The following VPS13B variants were observed in gnomAD, a reference collection of about 807,000 sequenced individuals.
The protein encoded by VPS13B is vacuolar protein sorting 13 homolog B.
A neutral mutation model predicts 426.4 loss-of-function variants in VPS13B; 285 were observed. The observed-to-expected ratio is 0.67, with a 90% confidence interval of 0.61 to 0.74. VPS13B has a LOEUF of 0.74. Among genes scored for constraint, VPS13B ranks in the 30% least tolerant of loss-of-function variants. The pLI is 0.00. For synonymous variants in VPS13B, 1,676 were observed against 1,676.4 expected (o/e 1.00, Z 0.01); for missense variants, 4,537 against 4,782.6 (o/e 0.95, Z 1.51).
intron 33 of VPS13B, among the ~76,000 whole-genome samples, chr8:99,593,756 A>G (rs966766307): frequency 6.6e-6 from 1 of 152,150 alleles, no homozygotes; most frequent in African/African-American, 2.4e-5. Flanking sequence ...TGTACTGTGC[A>G]GGGACATGGA....
At chr8:99,381,419 C>T (rs1156346150) in intron 19 of VPS13B, among the ~76,000 whole-genome samples, 1 of 152,068 alleles carries the variant, frequency 6.6e-6, no homozygotes, top group Non-Finnish European at 1.5e-5. Flanking sequence ...GGGTATATAC[C>T]TTGTAATGGG....
chr8:99,698,022 G>T, intron 35 of VPS13B: 1 of 371,044 alleles, frequency 2.7e-6, no homozygotes. Flanking sequence ...AGCTAGAGCT[G>T]CTGGCCTAGC....
intron 22 of VPS13B, among the ~76,000 whole-genome samples, chr8:99,438,414 GCTAATTATAAAAGT>G (rs1305266527): frequency 6.6e-6 from 1 of 152,128 alleles, no homozygotes; most frequent in African/African-American, 2.4e-5. Flanking sequence ...TATCAATCAT[GCTAATTATAAAAGT>G]AAGATTTTAT....
At chr8:99,526,212 GT>G (rs1822636712) in intron 30 of VPS13B, among the ~76,000 whole-genome samples, 1 of 152,072 alleles carries the variant, frequency 6.6e-6, no homozygotes, top group South Asian at 2.1e-4. Context: ...AAATGGAAGT[GT>G]GACATTCAAC....
chr8:99,158,094 G>A (rs963210094), intron 15 of VPS13B, among the ~76,000 whole-genome samples: 1 of 152,204 alleles, frequency 6.6e-6, no homozygotes, highest in African/African-American at 2.4e-5. Flanking sequence ...AGAAACTAGA[G>A]CAGGTTATCC....
At chr8:99,640,538 G>A (rs962828438) in intron 33 of VPS13B, among the ~76,000 whole-genome samples, 53 of 152,186 alleles carry the variant, frequency 3.5e-4, no homozygotes, top group African/African-American at 1.2e-3. Flanking sequence ...AAAGTGCTGG[G>A]ATTACCAGTG....
chr8:99,082,498 T>A (rs1297269342), intron 3 of VPS13B, among the ~76,000 whole-genome samples: 2 of 152,354 alleles, frequency 1.3e-5, no homozygotes, highest in East Asian at 1.9e-4. Context: ...TGGCTTTTGT[T>A]GCCATTGCTT....
chr8:99,511,722 A>G (rs969075724), intron 29 of VPS13B, among the ~76,000 whole-genome samples: 1 of 152,244 alleles, frequency 6.6e-6, no homozygotes, highest in African/African-American at 2.4e-5. Context: ...CGTTAGTAGG[A>G]TAAGAAATTG....
At chr8:99,400,819 C>T (rs950780073) in intron 21 of VPS13B, among the ~76,000 whole-genome samples, 1 of 152,060 alleles carries the variant, frequency 6.6e-6, no homozygotes, top group African/African-American at 2.4e-5. Context: ...TACAGGTGCC[C>T]ACCACCACAC....
intron 41 of VPS13B, 61 bp from the exon 42 acceptor site, chr8:99,778,619 CTT>C: frequency 6.9e-7 from 1 of 1,452,774 alleles, no homozygotes; most frequent in East Asian, 2.3e-5. Context: ...TCATTTCACT[CTT>C]TATTTTCACA....
chr8:99,800,545 TTCTC>T (rs1186529115), intron 43 of VPS13B, among the ~76,000 whole-genome samples: 2 of 152,330 alleles, frequency 1.3e-5, no homozygotes, highest in African/African-American at 4.8e-5. Context: ...TGAAACATCT[TTCTC>T]ATTAAATCTT....
At chr8:99,838,228 T>C (rs1815497514) in intron 54 of VPS13B, among the ~76,000 whole-genome samples, 1 of 152,190 alleles carries the variant, frequency 6.6e-6, no homozygotes, top group African/African-American at 2.4e-5. Flanking sequence ...AGGTGGCACC[T>C]GGTGCTCATA....
intron 39 of VPS13B, among the ~76,000 whole-genome samples, chr8:99,749,068 A>G (rs1810261751): frequency 6.6e-6 from 1 of 151,994 alleles, no homozygotes; most frequent in Non-Finnish European, 1.5e-5. Context: ...AAATATTTTG[A>G]AATTCCGAGT....
intron 23 of VPS13B, among the ~76,000 whole-genome samples, chr8:99,458,275 C>T (rs1451179602): frequency 1.3e-5 from 2 of 152,114 alleles, no homozygotes; most frequent in Admixed American, 1.3e-4. Flanking sequence ...GCATAGTATT[C>T]CATGGTGTAT....
At chr8:99,197,649 T>G (rs1205981128) in intron 17 of VPS13B, among the ~76,000 whole-genome samples, 1 of 152,152 alleles carries the variant, frequency 6.6e-6, no homozygotes, top group Non-Finnish European at 1.5e-5. Context: ...AGCTGTAATC[T>G]CTCCACTTTT....
At chr8:99,662,390 G>C (rs768550214) in intron 35 of VPS13B, among the ~76,000 whole-genome samples, 17 of 151,956 alleles carry the variant, frequency 1.1e-4, no homozygotes, top group Admixed American at 5.9e-4. Context: ...GTGCTTCAGA[G>C]TGTTACCCAT....
chr8:99,516,099 A>G (rs1822054626), intron 29 of VPS13B, among the ~76,000 whole-genome samples: 1 of 152,220 alleles, frequency 6.6e-6, no homozygotes, highest in Non-Finnish European at 1.5e-5. Context: ...TGCAAATACA[A>G]AAATGCATGC....
chr8:99,526,915 T>C (rs1822677138), intron 30 of VPS13B, among the ~76,000 whole-genome samples: 1 of 152,204 alleles, frequency 6.6e-6, no homozygotes, highest in Non-Finnish European at 1.5e-5. Context: ...TCTAGGCTTC[T>C]GGGTGATTGG....
intron 33 of VPS13B, among the ~76,000 whole-genome samples, chr8:99,623,056 G>C (rs1349560814): frequency 6.6e-6 from 1 of 152,112 alleles, no homozygotes; most frequent in African/African-American, 2.4e-5. Flanking sequence ...CTTTCTTCAA[G>C]GAGTCCTGCT....
Sources: allele counts gnomAD v4.1 joint callset (sites outside exome capture counted in the v4.1 genomes callset), GRCh38; gene constraint gnomAD v4.1.1; transcripts MANE v1.5; gene names NCBI Gene and HGNC (gene_info 2026-07-23, HGNC 2026-07-21).